KAZN: variants seen among roughly 807,000 people sequenced by gnomAD.
The protein encoded by KAZN is kazrin, periplakin interacting protein.
KAZN carries 40 observed loss-of-function variants against 87.4 expected under a neutral mutation model. The ratio of observed to expected loss-of-function variants is 0.46; its 90% confidence interval spans 0.36 to 0.60. The LOEUF is 0.60. Ranked by LOEUF, KAZN falls within the 20% of genes least tolerant of loss-of-function variation. KAZN has a pLI of 0.00. For synonymous variants in KAZN, 466 were observed against 458.3 expected, an observed-to-expected ratio of 1.02 and a Z score of -0.22; for missense variants, 898 against 1,073.9, an observed-to-expected ratio of 0.84 and a Z score of 2.29.
chr1:14,883,360 AAAGAAAG>A (rs1557586463), intron 1 of KAZN, among the ~76,000 whole-genome samples: 6 of 43,956 alleles, frequency 1.4e-4, no homozygotes, highest in Admixed American at 2.5e-4. Context: ...GAAAGAAAAG[AAAGAAAG>A]AAAGAAAGAA....
Position 14,732,095 on chromosome 1 carries a change from C to T in KAZN, c.226+132872C>T, listed in dbSNP as rs574508222. ...GGAAAACACAGCGACACCTGTCGGA[C>T]CCTGGGTGAACTACTGGCTCAAGGT... On this transcript the variant is annotated intron_variant, in intron 1 of 14. Coordinates refer to ENST00000376030, the MANE Select transcript of KAZN (RefSeq NM_201628.3). 9.2e-5 allele frequency among the ~76,000 whole-genome samples: 14 copies of T among 152,310 alleles called. 1 individual carries two copies. The South Asian group carries it at 2.7e-3, about 29-fold the overall frequency.
At chr1:13,968,135 T>C (rs1463152036) in intron 1 of KAZN, among the ~76,000 whole-genome samples, 1 of 152,180 alleles carries the variant, frequency 6.6e-6, no homozygotes, top group East Asian at 1.9e-4. Flanking sequence ...CTCCTGGTAC[T>C]GGGAAGCCCG....
At chr1:14,761,240 C>T (rs1460020645) in intron 1 of KAZN, among the ~76,000 whole-genome samples, 1 of 152,136 alleles carries the variant, frequency 6.6e-6, no homozygotes, top group Non-Finnish European at 1.5e-5. Context: ...GAGCCCCCTG[C>T]CTTGCTGGCT....
intron 1 of KAZN, among the ~76,000 whole-genome samples, chr1:14,928,724 T>C (rs911971033): frequency 6.6e-6 from 1 of 152,124 alleles, no homozygotes; most frequent in Non-Finnish European, 1.5e-5. Flanking sequence ...CTAGGACCCA[T>C]TGGTGGGTTT....
At chr1:14,159,526 G>T (rs759001051) in intron 1 of KAZN, among the ~76,000 whole-genome samples, 3 of 152,206 alleles carry the variant, frequency 2.0e-5, no homozygotes, top group Non-Finnish European at 4.4e-5. Context: ...CTGGTCCAGG[G>T]CAGGCCCAGA....
intron 2 of KAZN, among the ~76,000 whole-genome samples, chr1:14,543,350 C>A (rs992159905): frequency 6.6e-6 from 1 of 152,132 alleles, no homozygotes; most frequent in Non-Finnish European, 1.5e-5. Flanking sequence ...AGAACAATGC[C>A]CCAAGCTTCA....
intron 2 of KAZN, among the ~76,000 whole-genome samples, chr1:14,493,488 G>A (rs1332241419): frequency 6.6e-6 from 1 of 151,244 alleles, no homozygotes; most frequent in Non-Finnish European, 1.5e-5. Context: ...GAGGAAGATG[G>A]GGTGGGGAAA....
At chr1:14,703,885 T>TA (rs1299545963) in intron 1 of KAZN, among the ~76,000 whole-genome samples, 1 of 151,966 alleles carries the variant, frequency 6.6e-6, no homozygotes, top group Non-Finnish European at 1.5e-5. Flanking sequence ...ACTTTGTCTC[T>TA]AAAAAAATGA....
intron 2 of KAZN, among the ~76,000 whole-genome samples, chr1:14,436,539 G>A (rs1666393228): frequency 6.6e-6 from 1 of 151,694 alleles, no homozygotes; most frequent in Admixed American, 6.6e-5. Flanking sequence ...ACAACATGGT[G>A]AAACCCCGTC....
At chr1:13,908,364 C>A (rs1639522760) in intron 1 of KAZN, among the ~76,000 whole-genome samples, 1 of 152,168 alleles carries the variant, frequency 6.6e-6, no homozygotes, top group African/African-American at 2.4e-5. Context: ...CAAAGCAGTC[C>A]ACGCCTTCTT....
chr1:14,843,951 G>A (rs1201989266), intron 1 of KAZN, among the ~76,000 whole-genome samples: 3 of 152,172 alleles, frequency 2.0e-5, no homozygotes, highest in Non-Finnish European at 4.4e-5. Flanking sequence ...TGCTTGGAAC[G>A]ATTTCTTCCT....
At chr1:14,055,514 C>T (rs1025742281) in intron 1 of KAZN, among the ~76,000 whole-genome samples, 1 of 152,162 alleles carries the variant, frequency 6.6e-6, no homozygotes, top group Non-Finnish European at 1.5e-5. Flanking sequence ...AATCTTTCCC[C>T]TGAGTCAGGA....
intron 2 of KAZN, among the ~76,000 whole-genome samples, chr1:15,017,415 C>G (rs935650251): frequency 6.6e-6 from 1 of 152,210 alleles, no homozygotes; most frequent in Admixed American, 6.5e-5. Context: ...TGGCTAAGTC[C>G]TATTTATCTT....
At chr1:15,015,878 A>G (rs1041899989) in intron 2 of KAZN, among the ~76,000 whole-genome samples, 1 of 152,098 alleles carries the variant, frequency 6.6e-6, no homozygotes, top group African/African-American at 2.4e-5. Context: ...CCTGTCCCCA[A>G]GTCCCCAATC....
chr1:14,337,471 G>A (rs556992330), intron 2 of KAZN, among the ~76,000 whole-genome samples: 3 of 152,226 alleles, frequency 2.0e-5, no homozygotes, highest in Non-Finnish European at 4.4e-5. Flanking sequence ...AATAGGTCTT[G>A]TATATTGTTA....
intron 2 of KAZN, among the ~76,000 whole-genome samples, chr1:14,500,630 A>C (rs1670185502): frequency 6.6e-6 from 1 of 152,090 alleles, no homozygotes; most frequent in Non-Finnish European, 1.5e-5. Flanking sequence ...TAGAATAGAA[A>C]GATGATAGAG....
chr1:14,019,439 C>T (rs1640724203), intron 1 of KAZN, among the ~76,000 whole-genome samples: 1 of 152,150 alleles, frequency 6.6e-6, no homozygotes, highest in African/African-American at 2.4e-5. Context: ...TATTTATGGT[C>T]ACTCTTTTCC....
chr1:15,095,313 G>A (rs1038564963), intron 10 of KAZN, among the ~76,000 whole-genome samples: 3 of 152,146 alleles, frequency 2.0e-5, no homozygotes, highest in Non-Finnish European at 4.4e-5. Flanking sequence ...AACAGGGTGA[G>A]GAAAAACGGT....
chr1:14,678,114 G>A (rs1194926119), intron 1 of KAZN, among the ~76,000 whole-genome samples: 1 of 152,184 alleles, frequency 6.6e-6, no homozygotes, highest in Non-Finnish European at 1.5e-5. Flanking sequence ...GCAAAGTATT[G>A]TTTCTGGGTG....
Sources: gnomAD v4.1 joint callset for allele counts (sites outside exome capture counted in the v4.1 genomes callset) on GRCh38, gnomAD v4.1.1 for gene constraint, MANE v1.5 for transcripts, NCBI Gene and HGNC (gene_info 2026-07-23, HGNC 2026-07-21) for gene names.